The following ARHGEF18 variants were observed in gnomAD, a reference collection of about 807,000 sequenced individuals.
ARHGEF18 encodes the protein rho guanine nucleotide exchange factor 18.
ARHGEF18 carries 93 observed loss-of-function variants against 155.7 expected under a neutral mutation model. That is an observed-to-expected ratio of 0.60 (90% CI 0.50 to 0.71). The LOEUF (loss-of-function observed/expected upper bound fraction) is 0.71, where lower values mean the gene tolerates loss of function less well. ARHGEF18 is among the 30% of genes least tolerant of loss of function. The probability of loss-of-function intolerance (pLI) is 0.00; values close to 1 mark genes in which losing one functional copy is unlikely to be tolerated. For synonymous variants in ARHGEF18, 742 were observed against 753.1 expected (o/e 0.99, Z 0.24); for missense variants, 1,593 against 1,816.1 (o/e 0.88, Z 2.23).
At chr19:7,360,034 G>A (rs1311739710) in intron 1 of ARHGEF18, among the ~76,000 whole-genome samples, 2 of 151,902 alleles carry the variant, frequency 1.3e-5, no homozygotes, top group African/African-American at 2.4e-5. Flanking sequence ...ACACATCGGT[G>A]GTCCCAGCTA....
rs1203814365 is a variant in ARHGEF18 at position 7,469,142 on chromosome 19, C to T, written c.3787+11C>T. On this transcript the variant is annotated intron_variant, in intron 27 of 28. Transcript: ENST00000668164. ...GCTGGGAGAGCTCAGGTGAGCCGGC[C>T]CCACCCCTTCGCCTGGGCCTGGAAG... is the stretch of plus-strand genomic sequence containing the variant. 6.3e-7 allele frequency: 1 copy of T among 1,575,436 alleles called. No homozygotes were observed. Among genetic ancestry groups the T allele is most frequent in the Non-Finnish European group, 8.6e-7 (1 of 1,160,598 alleles).
intron 10 of ARHGEF18, among the ~76,000 whole-genome samples, chr19:7,429,832 A>G (rs1341616549): frequency 6.6e-6 from 1 of 152,146 alleles, no homozygotes; most frequent in African/African-American, 2.4e-5. Context: ...TCTCCTGGCC[A>G]GTGAGTTCTG....
At chr19:7,390,637 A>G (rs1171294688) in intron 10 of ARHGEF18, 1 of 152,182 alleles carries the variant, frequency 6.6e-6, no homozygotes, top group Non-Finnish European at 1.5e-5. Flanking sequence ...CATCCTCTTC[A>G]TTTTTTGTTA....
chr19:7,479,390 A>G, the ARHGEF18 span, among the ~76,000 whole-genome samples: 15 of 152,210 alleles, frequency 9.9e-5, no homozygotes, highest in African/African-American at 3.6e-4. Context: ...AGGCTGAGGC[A>G]GGAGAATCAC....
At chr19:7,391,340 A>G (rs963479926) in intron 10 of ARHGEF18, among the ~76,000 whole-genome samples, 2 of 152,200 alleles carry the variant, frequency 1.3e-5, no homozygotes, top group African/African-American at 2.4e-5. Flanking sequence ...GTCATACTCC[A>G]GGTAATTAGA....
chr19:7,446,541 G>A (rs1975002452), intron 14 of ARHGEF18, among the ~76,000 whole-genome samples: 2 of 152,042 alleles, frequency 1.3e-5, no homozygotes, highest in Admixed American at 6.6e-5. Context: ...AAGAGTTCGA[G>A]ACCAGCCTGA....
intron 10 of ARHGEF18, among the ~76,000 whole-genome samples, chr19:7,388,386 G>T (rs139807843): frequency 6.6e-6 from 1 of 151,646 alleles, no homozygotes; most frequent in Non-Finnish European, 1.5e-5. Context: ...GAACTACTGA[G>T]CCCGGTCTGT....
intron 3 of ARHGEF18, 80 bp from the exon 4 acceptor site, chr19:7,375,640 T>C: frequency 8.2e-7 from 1 of 1,224,164 alleles, no homozygotes; most frequent in Non-Finnish European, 1.0e-6. Context: ...GCATGTTCTT[T>C]CAAGCCCCCC....
the ARHGEF18 span, among the ~76,000 whole-genome samples, chr19:7,479,935 C>T: frequency 6.6e-6 from 1 of 152,082 alleles, no homozygotes. Context: ...GAACGTTATG[C>T]TCAATTTTGC....
At chr19:7,362,051 AG>A (rs1483184051) in intron 1 of ARHGEF18, among the ~76,000 whole-genome samples, 3 of 37,974 alleles carry the variant, frequency 7.9e-5, no homozygotes, top group Admixed American at 2.2e-4. Flanking sequence ...GAGAAGGAGA[AG>A]GAGAAGGAGA....
At chr19:7,369,714 T>C (rs1970112437) in intron 2 of ARHGEF18, among the ~76,000 whole-genome samples, 2 of 151,982 alleles carry the variant, frequency 1.3e-5, no homozygotes, top group South Asian at 4.2e-4. Context: ...GGAGAATTGT[T>C]TGAACCCGGG....
At chr19:7,411,678 C>A (rs1972695464) in intron 10 of ARHGEF18, among the ~76,000 whole-genome samples, 1 of 152,036 alleles carries the variant, frequency 6.6e-6, no homozygotes, top group Non-Finnish European at 1.5e-5. Context: ...ATACACATTG[C>A]TGATGCTACC....
At chr19:7,366,051 T>G (rs1210724301) in intron 2 of ARHGEF18, among the ~76,000 whole-genome samples, 1 of 152,094 alleles carries the variant, frequency 6.6e-6, no homozygotes, top group African/African-American at 2.4e-5. Context: ...GTTCAAGAGA[T>G]TCTTGTGCCT....
rs1304067117 is a variant in ARHGEF18 at position 7,416,544 on chromosome 19, TG to T, written c.968-23799del. Reference sequence around the variant, plus strand: ...CGGAGAAAATTCGTGTGTGTGTGTGTGTGTGTGTGTGTGTGTGTGTGTGTGT... The same window carrying T: ...CGGAGAAAATTCGTGTGTGTGTGTGTTGTGTGTGTGTGTGTGTGTGTGTGT... On this transcript the variant is annotated intron_variant, in intron 10 of 28. Coordinates refer to ENST00000668164, the MANE Select transcript of ARHGEF18 (RefSeq NM_001367823.1). 7.2e-4 allele frequency among the ~76,000 whole-genome samples: 95 copies of T among 132,240 alleles called. 1 individual carries two copies. The highest frequency in any genetic ancestry group is 1.2e-3 in the Non-Finnish European group (80 of 66,668). 86.8% of individuals were successfully genotyped at this position (132,240 alleles called of 152,430 possible).
chr19:7,373,893 C>T (rs1315598040), intron 3 of ARHGEF18, among the ~76,000 whole-genome samples: 1 of 143,096 alleles, frequency 7.0e-6, no homozygotes, highest in African/African-American at 2.7e-5. Flanking sequence ...CTCTGTTGCC[C>T]AGGCTACAGG....
chr19:7,375,355 A>G (rs1970400398), intron 3 of ARHGEF18, among the ~76,000 whole-genome samples: 1 of 121,398 alleles, frequency 8.2e-6, no homozygotes, highest in African/African-American at 5.5e-5. Flanking sequence ...AAAGAAAGAA[A>G]AGGAAGGAAG....
chr19:7,466,804 C>CAAAAAAAAAGAAA (rs1976635841), intron 23 of ARHGEF18, 114 bp from the exon 24 acceptor site: 1 of 412,598 alleles, frequency 2.4e-6, no homozygotes, highest in African/African-American at 4.8e-5. Context: ...AATTCCGTCT[C>CAAAAAAAAAGAAA]AAAAAAAAAA....
chr19:7,421,274 A>C (rs1410267783), intron 10 of ARHGEF18, among the ~76,000 whole-genome samples: 1 of 152,132 alleles, frequency 6.6e-6, no homozygotes, highest in African/African-American at 2.4e-5. Flanking sequence ...CCAGTTACAC[A>C]CAGACGTTTT....
intron 10 of ARHGEF18, among the ~76,000 whole-genome samples, chr19:7,437,994 T>TCCTCCCCTCCCCTCC (rs201898635): frequency 2.2e-5 from 3 of 133,544 alleles, no homozygotes; most frequent in African/African-American, 8.8e-5. Flanking sequence ...CTCTCCTCTC[T>TCCTCCCCTCCCCTCC]CCTCCCCTCC....
Sources: allele counts gnomAD v4.1 joint callset (sites outside exome capture counted in the v4.1 genomes callset), GRCh38; gene constraint gnomAD v4.1.1; transcripts MANE v1.5; gene names NCBI Gene and HGNC (gene_info 2026-07-23, HGNC 2026-07-21).